DOCK1: variants seen among roughly 807,000 people sequenced by gnomAD.
DOCK1 encodes the protein dedicator of cytokinesis protein 1.
Under a neutral mutation model 262.7 loss-of-function variants are expected in DOCK1, and 138 were observed. That is an observed-to-expected ratio of 0.53 (90% CI 0.46 to 0.61). The LOEUF (loss-of-function observed/expected upper bound fraction) is 0.61, where lower values mean the gene tolerates loss of function less well. Among genes scored for constraint, DOCK1 ranks in the 20% least tolerant of loss-of-function variants. The pLI is 0.00. For missense variants in DOCK1, 1,908 were observed against 2,370.7 expected (o/e 0.80, Z 4.05); for synonymous variants, 866 against 867.4 (o/e 1.00, Z 0.03).
At position 127,443,081 on chromosome 10, in the gene DOCK1, CTCCTCCTG is replaced by C. The variant is rs1178295136; in HGVS notation, c.5260-1042_5260-1035del. ...TGAGGGAGAGTCTACACATGCCTCT[CTCCTCCTG>C]TCTGGGGGTTTGCTGCCATCTCTGG... On this transcript the variant is annotated intron_variant, in intron 49 of 51. Transcript: ENST00000623213. Among the ~76,000 whole-genome samples the C allele has an allele frequency of 3.2e-4, 48 of 152,278 alleles. No homozygotes were observed. The East Asian group carries it at 8.5e-3, about 27-fold the overall frequency.
chr10:127,363,978 GAAAT>G (rs1208393091), intron 33 of DOCK1, among the ~76,000 whole-genome samples: 1 of 152,204 alleles, frequency 6.6e-6, no homozygotes, highest in African/African-American at 2.4e-5. Context: ...TTGTGAGAAT[GAAAT>G]AAAATCAGAC....
chr10:126,941,993 T>G (rs1416690254), intron 1 of DOCK1, among the ~76,000 whole-genome samples: 1 of 151,822 alleles, frequency 6.6e-6, no homozygotes, highest in Non-Finnish European at 1.5e-5. Context: ...GCCAAGAGGG[T>G]GTCGGATGTG....
At chr10:127,403,863 C>T (rs1216153968) in intron 39 of DOCK1, among the ~76,000 whole-genome samples, 1 of 152,220 alleles carries the variant, frequency 6.6e-6, no homozygotes, top group East Asian at 1.9e-4. Context: ...TTGCTACCTC[C>T]TCCACCTTGT....
chr10:127,173,177 A>G (rs186975630), intron 27 of DOCK1, among the ~76,000 whole-genome samples: 3 of 152,202 alleles, frequency 2.0e-5, no homozygotes, highest in Non-Finnish European at 4.4e-5. Flanking sequence ...GTGGACATCT[A>G]CCCATTCAGA....
intron 25 of DOCK1, among the ~76,000 whole-genome samples, chr10:127,123,104 T>C (rs998995934): frequency 9.9e-5 from 15 of 152,248 alleles, no homozygotes; most frequent in Non-Finnish European, 1.3e-4. Context: ...CAGCCTGTAC[T>C]GGCTGGTCCG....
intron 1 of DOCK1, among the ~76,000 whole-genome samples, chr10:126,943,707 G>A (rs1211771670): frequency 6.6e-6 from 1 of 152,128 alleles, no homozygotes; most frequent in African/African-American, 2.4e-5. Context: ...AGGGAGAAAG[G>A]ACTACCAAGG....
intron 1 of DOCK1, among the ~76,000 whole-genome samples, chr10:126,946,318 G>A (rs986193964): frequency 0.037 from 5,646 of 152,156 alleles, 148 homozygotes; most frequent in Middle Eastern, 0.099. Context: ...AGGCCGAGGT[G>A]GGTGGATCAC....
intron 23 of DOCK1, among the ~76,000 whole-genome samples, chr10:127,101,488 C>T (rs537577917): frequency 5.9e-5 from 9 of 152,284 alleles, no homozygotes; most frequent in African/African-American, 1.4e-4. Flanking sequence ...TCATCTTGGT[C>T]GGTTAAGCAG....
chr10:127,373,935 C>A, intron 34 of DOCK1, 69 bp downstream of exon 34: 1 of 1,543,368 alleles, frequency 6.5e-7, no homozygotes, highest in Non-Finnish European at 8.8e-7. Flanking sequence ...AATTAGACTA[C>A]AATGAACTTT....
At chr10:127,042,569 G>A (rs2044089131) in intron 19 of DOCK1, 56 bp from the exon 20 acceptor site, 1 of 1,451,610 alleles carries the variant, frequency 6.9e-7, no homozygotes, top group African/African-American at 1.4e-5. Context: ...TTATTCCAGT[G>A]TGTGGGGGAA....
chr10:127,226,498 C>CT (rs34662496), intron 27 of DOCK1, among the ~76,000 whole-genome samples: 53,869 of 151,880 alleles, frequency 0.35, 9,907 homozygotes, highest in East Asian at 0.46. Flanking sequence ...CATCTCAGCA[C>CT]TTTGGGAGCC....
At chr10:127,239,651 A>G (rs1476054918) in intron 27 of DOCK1, among the ~76,000 whole-genome samples, 2 of 152,174 alleles carry the variant, frequency 1.3e-5, no homozygotes, top group African/African-American at 2.4e-5. Flanking sequence ...CTTCTCTTCA[A>G]TAATAAGAGT....
chr10:127,206,231 C>T (rs1323951557), intron 27 of DOCK1, among the ~76,000 whole-genome samples: 5 of 148,642 alleles, frequency 3.4e-5, no homozygotes, highest in East Asian at 2.0e-4. Flanking sequence ...GCAACCTCCA[C>T]CTCCCAAACT....
At chr10:127,215,047 C>T (rs1477605660) in intron 27 of DOCK1, among the ~76,000 whole-genome samples, 2 of 152,134 alleles carry the variant, frequency 1.3e-5, no homozygotes, top group South Asian at 2.1e-4. Context: ...CTGAGCCCTG[C>T]ATCTGTTTCA....
At chr10:127,150,167 A>G (rs1456978166) in intron 27 of DOCK1, among the ~76,000 whole-genome samples, 2 of 152,174 alleles carry the variant, frequency 1.3e-5, no homozygotes, top group African/African-American at 4.8e-5. Flanking sequence ...ACCCATGTAC[A>G]CTGCTACTGA....
intron 31 of DOCK1, among the ~76,000 whole-genome samples, chr10:127,347,788 T>G (rs7478548): frequency 1.4e-5 from 2 of 148,118 alleles, no homozygotes; most frequent in Non-Finnish European, 3.0e-5. Context: ...CTAGGGCTTG[T>G]GAATCCAACC....
chr10:126,907,408 G>A (rs948421084), intron 1 of DOCK1, among the ~76,000 whole-genome samples: 1 of 151,966 alleles, frequency 6.6e-6, no homozygotes, highest in Non-Finnish European at 1.5e-5. Context: ...GGGGGCCATC[G>A]GGGTGCAGTG....
chr10:127,166,416 G>A (rs1241799985), intron 27 of DOCK1, among the ~76,000 whole-genome samples: 8 of 152,200 alleles, frequency 5.3e-5, no homozygotes, highest in Non-Finnish European at 1.0e-4. Flanking sequence ...CATTTTCAGG[G>A]GAGAGAGAAG....
At chr10:127,080,310 G>C (rs2046826799) in intron 23 of DOCK1, among the ~76,000 whole-genome samples, 1 of 151,952 alleles carries the variant, frequency 6.6e-6, no homozygotes, top group Admixed American at 6.6e-5. Context: ...ATGCTAAGCT[G>C]GGTTGATAAT....
Sources: gnomAD v4.1 joint callset for allele counts (sites outside exome capture counted in the v4.1 genomes callset) on GRCh38, gnomAD v4.1.1 for gene constraint, MANE v1.5 for transcripts, NCBI Gene and HGNC (gene_info 2026-07-23, HGNC 2026-07-21) for gene names.